NCAM2: variants seen among roughly 807,000 people sequenced by gnomAD.
The protein encoded by NCAM2 is neural cell adhesion molecule 2.
In NCAM2, 30 loss-of-function variants were observed where a neutral mutation model predicts 98.1. The observed-to-expected ratio is 0.31, with a 90% CI of 0.23 to 0.41. The LOEUF (loss-of-function observed/expected upper bound fraction) is 0.41, where lower values mean the gene tolerates loss of function less well. NCAM2 is among the 10% of genes least tolerant of loss of function. The pLI is 1.00. For missense variants in NCAM2, 867 were observed against 1,005.8 expected, an observed-to-expected ratio of 0.86 and a Z score of 1.87; for synonymous variants, 368 against 342.4, an observed-to-expected ratio of 1.07 and a Z score of -0.83.
intron 12 of NCAM2, among the ~76,000 whole-genome samples, chr21:21,436,175 G>C (rs1345089482): frequency 6.6e-6 from 1 of 152,168 alleles, no homozygotes; most frequent in Non-Finnish European, 1.5e-5. Context: ...GGAATGATTT[G>C]ATTATTGAAA....
At chr21:21,520,179 A>G (rs926893722) in intron 16 of NCAM2, among the ~76,000 whole-genome samples, 8 of 152,166 alleles carry the variant, frequency 5.3e-5, no homozygotes, top group Non-Finnish European at 7.4e-5. Context: ...CTATACAACA[A>G]GAGACAACTC....
rs201532023 is a variant in NCAM2, at chr21:21,533,166, C to CTTTTTTTTTTTTTTTTTTTTTTTT, written c.2283-1358_2283-1357insTTTTTTTTTTTTTTTTTTTTTTTT. Reference sequence around the variant, plus strand: ...CCATTGTAGATTTGTTGTTTGCTTGCTTTTTTTTTTTTTGGTAATCCTAGT... The same window carrying CTTTTTTTTTTTTTTTTTTTTTTTT: ...CCATTGTAGATTTGTTGTTTGCTTGCTTTTTTTTTTTTTTTTTTTTTTTTTTTTTTTTTTTTTGGTAATCCTAGT... On this transcript the variant is annotated intron_variant, in intron 16 of 17. Coordinates refer to ENST00000400546, the MANE Select transcript of NCAM2 (RefSeq NM_004540.5). 3.0e-4 allele frequency among the ~76,000 whole-genome samples: 28 copies of CTTTTTTTTTTTTTTTTTTTTTTTT among 93,782 alleles called. 4 individuals are homozygous for CTTTTTTTTTTTTTTTTTTTTTTTT. Among genetic ancestry groups the CTTTTTTTTTTTTTTTTTTTTTTTT allele is most frequent in the Non-Finnish European group, 3.5e-4 (17 of 48,236 alleles). The allele number at this position is 93,782 out of a possible 152,430, so 61.5% of individuals were successfully genotyped here.
intron 10 of NCAM2, among the ~76,000 whole-genome samples, chr21:21,414,466 G>A (rs1368882128): frequency 1.6e-5 from 2 of 128,772 alleles, no homozygotes; most frequent in Non-Finnish European, 3.2e-5. Flanking sequence ...TCTGTTTTTT[G>A]TTGTGTGTTT....
chr21:21,348,207 G>A (rs1167226878), intron 8 of NCAM2, among the ~76,000 whole-genome samples: 3 of 152,066 alleles, frequency 2.0e-5, no homozygotes, highest in Non-Finnish European at 4.4e-5. Flanking sequence ...CATATATTTG[G>A]AAAAACCTAG....
intron 14 of NCAM2, among the ~76,000 whole-genome samples, chr21:21,472,562 C>A (rs972396764): frequency 6.6e-6 from 1 of 151,828 alleles, no homozygotes; most frequent in African/African-American, 2.4e-5. Flanking sequence ...GAGTTTTATT[C>A]TTCTTTGTAT....
intron 1 of NCAM2, among the ~76,000 whole-genome samples, chr21:21,136,619 GCCTGTTTTTTGTTTTTTTT>G (rs2067057138): frequency 7.7e-6 from 1 of 130,242 alleles, no homozygotes; most frequent in African/African-American, 3.2e-5. Context: ...AGGCCACCAC[GCCTGTTTTTTGTTTTTTTT>G]TTTATTTTTA....
intron 12 of NCAM2, among the ~76,000 whole-genome samples, chr21:21,457,379 C>T (rs1039457350): frequency 7.2e-5 from 11 of 152,126 alleles, no homozygotes; most frequent in African/African-American, 1.9e-4. Context: ...CGGTGGCACA[C>T]GCTTGTCATC....
intron 5 of NCAM2, among the ~76,000 whole-genome samples, chr21:21,321,855 A>C (rs958289672): frequency 6.6e-6 from 1 of 152,216 alleles, no homozygotes; most frequent in Admixed American, 6.5e-5. Flanking sequence ...GAATGCTTAT[A>C]CACTGTTGAT....
In NCAM2 at chr21:21,338,447, A is replaced by C; in HGVS notation, c.957A>C (p.Thr319=). The C allele has an allele frequency of 6.2e-7, 1 of 1,612,864 alleles. No homozygotes were observed. Among genetic ancestry groups the C allele is most frequent in the Non-Finnish European group, 8.5e-7 (1 of 1,179,294 alleles). ...CTACATATGAGAATGGTCAAGTCAC[A>C]CTCGTATGTGATGCGGAAGGGGAGC... ...NETTYENGQV[T]LVCDAEGEPI... is the part of the protein sequence containing the mutation. The change falls in exon 8 of 18, where the codon ACA becomes ACC. Residue 319 remains threonine (T), a synonymous_variant. Coordinates refer to ENST00000400546, the MANE Select transcript of NCAM2 (RefSeq NM_004540.5).
intron 1 of NCAM2, among the ~76,000 whole-genome samples, chr21:21,216,400 C>A (rs1248465216): frequency 1.3e-5 from 2 of 152,116 alleles, no homozygotes; most frequent in African/African-American, 4.8e-5. Flanking sequence ...TTGTGAGTTA[C>A]AAACCAACTG....
intron 4 of NCAM2, among the ~76,000 whole-genome samples, chr21:21,288,489 A>G (rs2073181061): frequency 1.3e-5 from 2 of 149,642 alleles, no homozygotes; most frequent in Non-Finnish European, 2.9e-5. Context: ...GAAACATAAC[A>G]CTAAGTTGTG....
At chr21:21,214,346 T>A (rs2069779662) in intron 1 of NCAM2, among the ~76,000 whole-genome samples, 1 of 152,186 alleles carries the variant, frequency 6.6e-6, no homozygotes, top group African/African-American at 2.4e-5. Context: ...CATTATTCTT[T>A]CCATGATATC....
intron 1 of NCAM2, among the ~76,000 whole-genome samples, chr21:21,232,290 G>T (rs1280620912): frequency 6.6e-6 from 1 of 151,422 alleles, no homozygotes; most frequent in East Asian, 1.9e-4. Context: ...ACACATAAAT[G>T]GATACACATT....
chr21:21,375,859 A>G (rs2076021687), intron 9 of NCAM2, among the ~76,000 whole-genome samples: 1 of 151,878 alleles, frequency 6.6e-6, no homozygotes, highest in African/African-American at 2.4e-5. Context: ...TAATGAAACT[A>G]TATTTAGGAC....
chr21:21,237,995 G>A (rs1031038640), intron 1 of NCAM2, among the ~76,000 whole-genome samples: 2 of 125,240 alleles, frequency 1.6e-5, no homozygotes, highest in African/African-American at 3.1e-5. Flanking sequence ...TCGCTCTGTC[G>A]CCCAGGCTGG....
At chr21:21,279,636 C>T (rs919117753) in intron 1 of NCAM2, among the ~76,000 whole-genome samples, 11 of 152,252 alleles carry the variant, frequency 7.2e-5, no homozygotes, top group East Asian at 3.9e-4. Context: ...GGATTACAGG[C>T]GTGGTCGTTA....
intron 1 of NCAM2, among the ~76,000 whole-genome samples, chr21:21,122,580 T>C (rs764579013): frequency 9.9e-5 from 15 of 152,198 alleles, no homozygotes; most frequent in Non-Finnish European, 1.3e-4. Flanking sequence ...TATTGTCTAA[T>C]GTGGGCTGGG....
At chr21:21,517,956 G>A (rs774350562) in intron 16 of NCAM2, among the ~76,000 whole-genome samples, 1 of 152,132 alleles carries the variant, frequency 6.6e-6, no homozygotes, top group Non-Finnish European at 1.5e-5. Context: ...AAAAATAAAT[G>A]AGCTTGAATC....
chr21:21,385,370 A>AC (rs1268956339), intron 9 of NCAM2, among the ~76,000 whole-genome samples: 2 of 126,328 alleles, frequency 1.6e-5, no homozygotes, highest in African/African-American at 3.6e-5. Context: ...ACACAATGTT[A>AC]AACACACACA....
Sources: gnomAD v4.1 joint callset for allele counts (sites outside exome capture counted in the v4.1 genomes callset) on GRCh38, gnomAD v4.1.1 for gene constraint, MANE v1.5 for transcripts, NCBI Gene and HGNC (gene_info 2026-07-23, HGNC 2026-07-21) for gene names.